The following CR1L variants were observed in gnomAD, a reference collection of about 807,000 sequenced individuals.
The protein encoded by CR1L is complement C3b/C4b receptor 1 like.
In CR1L, 59 loss-of-function variants were observed where a neutral mutation model predicts 62.3. The observed-to-expected ratio is 0.95, with a 90% CI of 0.77 to 1.18. CR1L has a LOEUF of 1.18. Among genes scored for constraint, CR1L ranks in the 50% most tolerant of loss-of-function variants. The pLI is 0.00. For missense variants in CR1L, 700 were observed against 702.8 expected (o/e 1.00, Z 0.04); for synonymous variants, 279 against 248.7 (o/e 1.12, Z -1.15).
intron 1 of CR1L, among the ~76,000 whole-genome samples, chr1:207,664,056 C>T (rs1405908159): frequency 6.6e-6 from 1 of 152,166 alleles, no homozygotes; most frequent in Non-Finnish European, 1.5e-5. Context: ...CAGGAAAAGT[C>T]CTTATTTACT....
chr1:207,718,066 G>A (rs1654046529), intron 11 of CR1L, among the ~76,000 whole-genome samples: 2 of 152,094 alleles, frequency 1.3e-5, no homozygotes, highest in African/African-American at 4.8e-5. Flanking sequence ...GATGTGCTGC[G>A]CAAAAAGTAC....
intron 1 of CR1L, among the ~76,000 whole-genome samples, chr1:207,675,273 T>TATC (rs75729926): frequency 0.36 from 53,978 of 151,600 alleles, 9,742 homozygotes; most frequent in Non-Finnish European, 0.4. Flanking sequence ...GACTAGAAAT[T>TATC]ATAGGGTGGG....
chr1:207,705,992 C>CAT (rs1349505043), intron 9 of CR1L, among the ~76,000 whole-genome samples: 1 of 122,660 alleles, frequency 8.2e-6, no homozygotes, highest in Non-Finnish European at 1.7e-5. Flanking sequence ...ATATATGTGT[C>CAT]ATATATATGT....
chr1:207,722,870 T>C (rs1654169517), intron 11 of CR1L, among the ~76,000 whole-genome samples: 1 of 152,156 alleles, frequency 6.6e-6, no homozygotes, highest in South Asian at 2.1e-4. Context: ...TATAAAATAG[T>C]TTATGCATTT....
intron 1 of CR1L, chr1:207,669,470 G>A (rs930593025): frequency 1.8e-5 from 27 of 1,524,736 alleles, no homozygotes; most frequent in African/African-American, 4.3e-5. Context: ...CCGAGAAGCC[G>A]GGAGCCTGTT....
In CR1L at chr1:207,686,136, C is replaced by T. The variant is rs1483335908; in HGVS notation, c.463+2179C>T. Reference sequence around the variant, plus strand: ...CCTCCCTCCCTCCCTTCCTCCCTCCCTTCCTTCCTTCCTTCCTTCCTTCCT... The same window carrying T: ...CCTCCCTCCCTCCCTTCCTCCCTCCTTTCCTTCCTTCCTTCCTTCCTTCCT... On this transcript the variant is annotated intron_variant, in intron 4 of 11. Coordinates refer to ENST00000508064, the MANE Select transcript of CR1L (RefSeq NM_175710.2). Among the ~76,000 whole-genome samples, 30 of 42,770 alleles carry T rather than the reference C, an allele frequency of 7.0e-4. 1 individual carries two copies. Among genetic ancestry groups the T allele is most frequent in the Non-Finnish European group, 2.9e-4 (7 of 23,830 alleles). 28.1% of individuals were successfully genotyped at this position (42,770 alleles called of 152,430 possible).
intron 11 of CR1L, among the ~76,000 whole-genome samples, chr1:207,718,710 T>C (rs190485055): frequency 6.6e-6 from 1 of 152,280 alleles, no homozygotes; most frequent in Admixed American, 6.5e-5. Flanking sequence ...GGCATGAGCC[T>C]GGTGCTGACT....
rs1558017874 is a variant in CR1L, at chr1:207,682,992, T to TTTCTTTCTTTCTTTCTTTC, written c.378-878_378-877insCTTTCTTTCTTTCTTTCTT. On this transcript the variant is annotated intron_variant, in intron 3 of 11. Transcript: ENST00000508064. Reference sequence around the variant, plus strand: ...TCTTTCTTTCTTTCTTTCTTTCTTTTTTTCTTTCTTTCTTTCTTTTTCTTT... The same window carrying TTTCTTTCTTTCTTTCTTTC: ...TCTTTCTTTCTTTCTTTCTTTCTTTTTTCTTTCTTTCTTTCTTTCTTTCTTTCTTTCTTTCTTTTTCTTT... Among the ~76,000 whole-genome samples, 39 of 84,806 alleles carry TTTCTTTCTTTCTTTCTTTC rather than the reference T, an allele frequency of 4.6e-4. No individual in the cohort carries two copies. The South Asian group carries it at 7.1e-3, about 16-fold the overall frequency. 55.6% of individuals were successfully genotyped at this position (84,806 alleles called of 152,430 possible).
chr1:207,716,631 G>A (rs1654005648), intron 10 of CR1L, among the ~76,000 whole-genome samples: 2 of 152,058 alleles, frequency 1.3e-5, no homozygotes, highest in South Asian at 4.1e-4. Flanking sequence ...GGAAACTCAA[G>A]TATCCAACAA....
In CR1L at chr1:207,694,731, A is replaced by T; in HGVS notation, c.842A>T (p.Glu281Val). The change falls in exon 5 of 12, where the codon GAG becomes GTG. Residue 281 changes from glutamate (E) to valine (V), a missense_variant. By Grantham distance (121) the Glu-to-Val change is moderately radical (BLOSUM62 -2). Coordinates refer to ENST00000508064, the MANE Select transcript of CR1L (RefSeq NM_175710.2). ...KCQALNKWEP[E>V]LPSCSRVCQP... ...CAGGCCCTGAACAAATGGGAGCCAG[A>T]GTTACCAAGCTGCTCCAGGGGTGAG... 2 of 1,611,902 alleles carry T rather than the reference A, an allele frequency of 1.2e-6. No homozygotes were observed. Among genetic ancestry groups the T allele is most frequent in the Non-Finnish European group, 1.7e-6 (2 of 1,179,728 alleles).
chr1:207,713,476 A>G (rs1385573444), intron 10 of CR1L, among the ~76,000 whole-genome samples: 2 of 152,258 alleles, frequency 1.3e-5, no homozygotes, highest in Non-Finnish European at 2.9e-5. Context: ...GGCCAGAAAC[A>G]TCCCTGTCCA....
Position 207,683,921 on chromosome 1 carries a change from A to G in CR1L, c.427A>G (p.Thr143Ala). The G allele has an allele frequency of 6.2e-7, 1 of 1,613,626 alleles. No homozygotes were observed. Among genetic ancestry groups the G allele is most frequent in the African/African-American group, 1.3e-5 (1 of 75,036 alleles). ...SSATCIISGN[T>A]VIWDNKTPVC... The stretch of plus-strand genomic sequence containing the variant: ...TGCCACATGCATCATCTCAGGCAAC[A>G]CTGTCATTTGGGATAATAAAACACC... The change falls in exon 4 of 12, where the codon ACT becomes GCT. Residue 143 changes from threonine to alanine, a missense_variant. Physicochemically the swap from Thr to Ala is moderately conservative, Grantham distance 58. Transcript: ENST00000508064.
At chr1:207,667,762 C>T (rs994248223) in intron 1 of CR1L, among the ~76,000 whole-genome samples, 4 of 143,954 alleles carry the variant, frequency 2.8e-5, no homozygotes, top group South Asian at 2.1e-4. Context: ...ATGTTTGCAA[C>T]CTATGCCTTT....
chr1:207,717,925 G>A (rs1214991421), intron 11 of CR1L, among the ~76,000 whole-genome samples: 2 of 152,040 alleles, frequency 1.3e-5, no homozygotes, highest in African/African-American at 4.8e-5. Flanking sequence ...GAGAGAAGAG[G>A]GTGGACAGTG....
At chr1:207,669,846 C>T (rs1262581362) in intron 1 of CR1L, among the ~76,000 whole-genome samples, 2 of 151,258 alleles carry the variant, frequency 1.3e-5, no homozygotes, top group East Asian at 3.8e-4. Context: ...GGGTGCCGCA[C>T]GAAATTCCTT....
At chr1:207,669,522 C>G in intron 1 of CR1L, 1 of 1,579,742 alleles carries the variant, frequency 6.3e-7, no homozygotes, top group Non-Finnish European at 8.6e-7. Flanking sequence ...GCGGAGGATC[C>G]CTGCTGGCGG....
At chr1:207,692,978 T>C (rs1372279238) in intron 4 of CR1L, among the ~76,000 whole-genome samples, 3 of 152,242 alleles carry the variant, frequency 2.0e-5, no homozygotes, top group Non-Finnish European at 4.4e-5. Context: ...TTGGCATTTT[T>C]GTATTGTAGA....
intron 4 of CR1L, among the ~76,000 whole-genome samples, chr1:207,692,751 A>G (rs1483525048): frequency 1.3e-5 from 2 of 150,870 alleles, no homozygotes; most frequent in Non-Finnish European, 3.0e-5. Context: ...GCACTGACCA[A>G]CCTCTTTGTG....
chr1:207,672,593 G>A (rs1571511527), intron 1 of CR1L, among the ~76,000 whole-genome samples: 2 of 152,022 alleles, frequency 1.3e-5, no homozygotes, highest in South Asian at 4.2e-4. Context: ...ATATACAGAC[G>A]ACTTCATCCA....
Sources: gnomAD v4.1 joint callset for allele counts (sites outside exome capture counted in the v4.1 genomes callset) on GRCh38, gnomAD v4.1.1 for gene constraint, MANE v1.5 for transcripts, NCBI Gene and HGNC (gene_info 2026-07-23, HGNC 2026-07-21) for gene names.